CHRDL2: variants seen among roughly 807,000 people sequenced by gnomAD.
CHRDL2 encodes chordin-like protein 2.
CHRDL2 carries 41 observed loss-of-function variants against 54.3 expected under a neutral mutation model. The ratio of observed to expected loss-of-function variants is 0.76; its 90% CI spans 0.59 to 0.98. The LOEUF (loss-of-function observed/expected upper bound fraction) is 0.98. Among genes scored for constraint, CHRDL2 ranks in the 50% least tolerant of loss-of-function variants. The pLI, the probability that CHRDL2 is intolerant of heterozygous loss-of-function variation, is 0.00. For synonymous variants in CHRDL2, 220 were observed against 224.3 expected, an observed-to-expected ratio of 0.98 and a Z score of 0.17; for missense variants, 518 against 562.4, an observed-to-expected ratio of 0.92 and a Z score of 0.80.
Position 74,718,741 on chromosome 11 carries a change from G to T in CHRDL2, c.174C>A (p.Cys58Ter), listed in dbSNP as rs775998109. 6.2e-7 allele frequency: 1 copy of T among 1,613,030 alleles called. No individual in the cohort carries two copies. Among genetic ancestry groups the T allele is most frequent in the Non-Finnish European group, 8.5e-7 (1 of 1,179,228 alleles). Reference protein sequence around the residue: ...PYLEPQGLMYCLRCTCSEGAH... With the variant: ...PYLEPQGLMY ...CTACCTCTGAGCAGGTACAGCGCAG[G>T]CAGTACATCAGGCCTTGTGGCTCCA... The change falls in exon 2 of 11, where the codon TGC becomes TGA. Residue 58 changes from cysteine to a stop codon, truncating the protein, a stop_gained. Coordinates refer to ENST00000376332, the MANE Select transcript of CHRDL2 (RefSeq NM_001278473.3). LOFTEE classifies it high-confidence loss of function.
At chr11:74,726,428 C>A (rs913916750) in intron 1 of CHRDL2, among the ~76,000 whole-genome samples, 2 of 152,046 alleles carry the variant, frequency 1.3e-5, no homozygotes, top group African/African-American at 4.8e-5. Context: ...GAAGAAATGG[C>A]CTTAATTTGT....
chr11:74,710,862 AGGACACACT>A lies in CHRDL2; in HGVS notation c.410_418del (p.Gln137_Val139del), dbSNP rs2034167297. 1 of 1,613,992 alleles carries A rather than the reference AGGACACACT, an allele frequency of 6.2e-7. No individual in the cohort carries two copies. Among genetic ancestry groups the A allele is most frequent in the Admixed American group, 1.7e-5 (1 of 59,976 alleles). ...AGGAGTTCTTACTGTGCAGCTGCAGAGGACACACTGGTTGGGCAGGCGGGAGGGGAACAG... is the reference window on the plus strand; with the variant it reads ...AGGAGTTCTTACTGTGCAGCTGCAGAGGTTGGGCAGGCGGGAGGGGAACAG... On this transcript the variant is annotated inframe_deletion, in exon 4 of 11. Coordinates refer to ENST00000376332, the MANE Select transcript of CHRDL2 (RefSeq NM_001278473.3).
At chr11:74,705,854 T>G (rs371569003) in intron 6 of CHRDL2, among the ~76,000 whole-genome samples, 2 of 151,928 alleles carry the variant, frequency 1.3e-5, no homozygotes, top group South Asian at 4.2e-4. Context: ...GGGGAATCTC[T>G]GGGAAGGGGA....
chr11:74,708,746 C>T (rs1379361564), intron 4 of CHRDL2, among the ~76,000 whole-genome samples: 1 of 152,210 alleles, frequency 6.6e-6, no homozygotes, highest in African/African-American at 2.4e-5. Flanking sequence ...AGTTGGGGCC[C>T]AGTCTTCAAG....
At chr11:74,718,211 G>A (rs867477678) in intron 2 of CHRDL2, among the ~76,000 whole-genome samples, 2 of 152,196 alleles carry the variant, frequency 1.3e-5, no homozygotes, top group Non-Finnish European at 2.9e-5. Context: ...AGGAGAAAGG[G>A]GCAGAGAAAC....
At chr11:74,709,147 C>T (rs553404217) in intron 4 of CHRDL2, among the ~76,000 whole-genome samples, 23 of 152,294 alleles carry the variant, frequency 1.5e-4, no homozygotes, top group African/African-American at 4.3e-4. Context: ...AAGCCAGCCT[C>T]ATATAATCAG....
chr11:74,711,681 CA>C (rs1247793691), intron 3 of CHRDL2, among the ~76,000 whole-genome samples: 1 of 152,178 alleles, frequency 6.6e-6, no homozygotes, highest in Non-Finnish European at 1.5e-5. Flanking sequence ...CCAAGAAACT[CA>C]GACTCAAAAA....
intron 9 of CHRDL2, among the ~76,000 whole-genome samples, chr11:74,701,946 C>A (rs564028359): frequency 6.6e-6 from 1 of 152,270 alleles, no homozygotes; most frequent in South Asian, 2.1e-4. Flanking sequence ...ACTGAACTTT[C>A]AGCAATTTCC....
chr11:74,711,741 G>T (rs1442763321), intron 3 of CHRDL2, among the ~76,000 whole-genome samples: 1 of 152,014 alleles, frequency 6.6e-6, no homozygotes, highest in Non-Finnish European at 1.5e-5. Context: ...TTGGGAGGCT[G>T]AGGTGGGAGG....
At chr11:74,701,554 C>T (rs2061997089) in intron 9 of CHRDL2, 5 of 714,384 alleles carry the variant, frequency 7.0e-6, no homozygotes, top group Admixed American at 2.0e-5. Flanking sequence ...GCATCTGACG[C>T]CACAAGACAT....
intron 5 of CHRDL2, 73 bp downstream of exon 5, chr11:74,708,229 C>T: frequency 9.3e-7 from 1 of 1,078,244 alleles, no homozygotes; most frequent in Non-Finnish European, 1.3e-6. Context: ...TTCCTCACGG[C>T]TCTCACAGTC....
chr11:74,720,190 C>T (rs1215723925), intron 1 of CHRDL2: 6 of 152,424 alleles, frequency 3.9e-5, no homozygotes, highest in Non-Finnish European at 8.8e-5. Context: ...AATTAGATAA[C>T]GCTTGTAAAG....
At chr11:74,701,231 C>G (rs1468713515) in intron 9 of CHRDL2, 1 of 212,018 alleles carries the variant, frequency 4.7e-6, no homozygotes, top group East Asian at 9.8e-5. Context: ...TCTAAAAACC[C>G]TCTTCCCCAC....
Position 74,710,920 on chromosome 11 carries a change from C to T in CHRDL2, c.361G>A (p.Gly121Arg), listed in dbSNP as rs781301139. 6.2e-6 allele frequency: 10 copies of T among 1,613,962 alleles called. No individual in the cohort carries two copies. Among genetic ancestry groups the T allele is most frequent in the African/African-American group, 2.7e-5 (2 of 74,902 alleles). The change falls in exon 4 of 11, where the codon GGA becomes AGA. Residue 121 changes from glycine (G) to arginine (R), a missense_variant. Physicochemically the swap from Gly to Arg is moderately radical, Grantham distance 125 (BLOSUM62 -2). Coordinates refer to ENST00000376332, the MANE Select transcript of CHRDL2 (RefSeq NM_001278473.3). Reference protein sequence around the residue: ...CQHNGTMYQHGEIFSAHELFP... With the variant: ...CQHNGTMYQHREIFSAHELFP... ...AGCTCATGGGCACTGAAGATCTCTC[C>T]GTGTTGGTACATGGTCCCGTTGTGC... is the stretch of plus-strand genomic sequence containing the variant.
At chr11:74,729,216 G>T (rs1023895344) in intron 1 of CHRDL2, among the ~76,000 whole-genome samples, 6 of 152,248 alleles carry the variant, frequency 3.9e-5, no homozygotes, top group African/African-American at 1.4e-4. Flanking sequence ...TGGGAGGCAG[G>T]CATGGAGGGC....
intron 9 of CHRDL2, among the ~76,000 whole-genome samples, chr11:74,702,150 G>A (rs1399543879): frequency 6.6e-6 from 1 of 151,992 alleles, no homozygotes; most frequent in Non-Finnish European, 1.5e-5. Context: ...CAGCTACTCA[G>A]GAGGCTGAGA....
At chr11:74,725,222 A>T (rs1372163258) in intron 1 of CHRDL2, among the ~76,000 whole-genome samples, 1 of 151,860 alleles carries the variant, frequency 6.6e-6, no homozygotes, top group African/African-American at 2.4e-5. Flanking sequence ...CGATCTCTTG[A>T]CCTCGTGATC....
intron 4 of CHRDL2, 102 bp downstream of exon 4, chr11:74,710,747 T>C: frequency 7.1e-7 from 1 of 1,413,038 alleles, no homozygotes. Flanking sequence ...TCATTTTGCT[T>C]TGGCCAGGAG....
intron 1 of CHRDL2, among the ~76,000 whole-genome samples, chr11:74,730,379 A>T (rs565118707): frequency 2.9e-4 from 44 of 152,348 alleles, no homozygotes; most frequent in Non-Finnish European, 6.0e-4. Flanking sequence ...GAGAGTTGCG[A>T]GGATCAAAAG....
Sources: allele counts gnomAD v4.1 joint callset (sites outside exome capture counted in the v4.1 genomes callset), GRCh38; gene constraint gnomAD v4.1.1; transcripts MANE v1.5; gene names NCBI Gene and HGNC (gene_info 2026-07-23, HGNC 2026-07-21).